The following GFRA1 variants were observed in gnomAD, a reference collection of about 807,000 sequenced individuals.
The protein encoded by GFRA1 is GDNF family receptor alpha-1.
GFRA1 carries 16 observed loss-of-function variants against 51.6 expected under a neutral mutation model. That is an observed-to-expected ratio of 0.31 (90% CI 0.21 to 0.47). GFRA1 has a LOEUF of 0.47. GFRA1 is among the 20% of genes least tolerant of loss of function. The pLI is 1.00. For missense variants in GFRA1, 530 were observed against 594.3 expected (o/e 0.89, Z 1.13); for synonymous variants, 270 against 241.3 (o/e 1.12, Z -1.10).
rs970233884 is a variant in GFRA1 at position 116,058,038 on chromosome 10, G to A, written c.*6360C>T. ...TGTGTGTGTGTGTGTGTGTGTGTGT[G>A]TGTGACAGAGAGAACCACGCTTTAT... On this transcript the variant is annotated 3_prime_UTR_variant, in exon 11 of 11. Coordinates refer to ENST00000355422, the MANE Select transcript of GFRA1 (RefSeq NM_005264.8). 2.1e-5 allele frequency: 3 copies of A among 143,504 alleles called. No individual in the cohort carries two copies. The highest frequency in any genetic ancestry group is 8.1e-5 in the African/African-American group (3 of 36,828). 8.9% of individuals were successfully genotyped at this position (143,504 alleles called of 1,614,324 possible).
intron 4 of GFRA1, among the ~76,000 whole-genome samples, chr10:116,266,499 C>T (rs1214215269): frequency 1.3e-5 from 2 of 152,202 alleles, no homozygotes; most frequent in Non-Finnish European, 2.9e-5. Flanking sequence ...GCTTTACTAT[C>T]CCACTTAAGG....
At chr10:116,156,537 A>G (rs1959203359) in intron 5 of GFRA1, among the ~76,000 whole-genome samples, 2 of 152,224 alleles carry the variant, frequency 1.3e-5, no homozygotes, top group African/African-American at 2.4e-5. Context: ...GTTCAGCCAA[A>G]CATGTTATCC....
At chr10:116,182,781 T>G (rs985669113) in intron 5 of GFRA1, among the ~76,000 whole-genome samples, 1 of 152,166 alleles carries the variant, frequency 6.6e-6, no homozygotes, top group African/African-American at 2.4e-5. Context: ...GGTCCCTTCT[T>G]AGATGGGCAG....
At chr10:116,175,090 G>A (rs1011889400) in intron 5 of GFRA1, among the ~76,000 whole-genome samples, 2 of 152,068 alleles carry the variant, frequency 1.3e-5, no homozygotes, top group African/African-American at 2.4e-5. Flanking sequence ...TCTTTCTTCC[G>A]CAACCTGTTA....
Position 116,064,150 on chromosome 10 carries a change from G to A in GFRA1, c.*248C>T. On this transcript the variant is annotated 3_prime_UTR_variant, in exon 11 of 11. Transcript: ENST00000355422. ...TGCTTTACAGCCCAAGTTACAAACT[G>A]TCCCTTTAAAATACAGCATATCCCA... 1 of 459,750 alleles carries A rather than the reference G, an allele frequency of 2.2e-6. No individual in the cohort carries two copies. Among genetic ancestry groups the A allele is most frequent in the East Asian group, 4.1e-5 (1 of 24,470 alleles). The allele number at this position is 459,750 out of a possible 1,614,324, so 28.5% of individuals were successfully genotyped here. A position where few individuals can be genotyped will look rare whatever the true frequency, so the allele number is the denominator to read the frequency against.
At chr10:116,186,532 G>A (rs116053343) in intron 5 of GFRA1, among the ~76,000 whole-genome samples, 2,213 of 147,628 alleles carry the variant, frequency 0.015, 45 homozygotes, top group African/African-American at 0.049. Context: ...CTGAAAGGCC[G>A]GTCTCTCTTT....
At chr10:116,099,547 C>T (rs1194914016) in intron 6 of GFRA1, among the ~76,000 whole-genome samples, 4 of 152,172 alleles carry the variant, frequency 2.6e-5, no homozygotes, top group African/African-American at 9.7e-5. Flanking sequence ...GCTCCACTCC[C>T]CCATCCCACT....
intron 6 of GFRA1, among the ~76,000 whole-genome samples, chr10:116,122,050 A>C (rs1371185261): frequency 6.6e-6 from 1 of 152,194 alleles, no homozygotes; most frequent in African/African-American, 2.4e-5. Flanking sequence ...TCTGGAAAGA[A>C]ATTATGGGCT....
chr10:116,247,203 T>C lies in GFRA1; in HGVS notation c.418+22300A>G, dbSNP rs551592918. ...ACAACATCAAAATTCCTAGAAGCCATCCCTGGTTTCTCTCCTTCTCTCACT... is the reference window on the plus strand; with the variant it reads ...ACAACATCAAAATTCCTAGAAGCCACCCCTGGTTTCTCTCCTTCTCTCACT... On this transcript the variant is annotated intron_variant, in intron 4 of 10. Coordinates refer to ENST00000355422, the MANE Select transcript of GFRA1 (RefSeq NM_005264.8). Among the ~76,000 whole-genome samples, 5 of 152,162 alleles carry C rather than the reference T, an allele frequency of 3.3e-5. No homozygotes were observed. In the East Asian group the frequency reaches 7.8e-4, roughly 24 times the overall value.
intron 5 of GFRA1, among the ~76,000 whole-genome samples, chr10:116,151,683 GGA>G (rs1178384585): frequency 6.6e-6 from 1 of 152,078 alleles, no homozygotes; most frequent in Non-Finnish European, 1.5e-5. Flanking sequence ...GTTACCAAGG[GGA>G]GGAAGCAGGA....
Position 116,059,443 on chromosome 10 carries a change from T to TTAAC in GFRA1, c.*4951_*4954dup, listed in dbSNP as rs1241716213. Reference sequence around the variant, plus strand: ...CTTGGCAGCTGCCCTGGAGCAAAAATTAACTCCCCATGGCAGTGGGACAAG... The same window carrying TTAAC: ...CTTGGCAGCTGCCCTGGAGCAAAAATTAACTAACTCCCCATGGCAGTGGGACAAG... On this transcript the variant is annotated 3_prime_UTR_variant, in exon 11 of 11. Coordinates refer to ENST00000355422, the MANE Select transcript of GFRA1 (RefSeq NM_005264.8). The TTAAC allele has an allele frequency of 6.6e-6, 1 of 152,192 alleles. No homozygotes were observed. Among genetic ancestry groups the TTAAC allele is most frequent in the Non-Finnish European group, 1.5e-5 (1 of 68,064 alleles). The allele number at this position is 152,192 out of a possible 1,614,324, so 9.4% of individuals were successfully genotyped here.
intron 4 of GFRA1, among the ~76,000 whole-genome samples, chr10:116,253,140 G>A (rs1968527485): frequency 1.3e-5 from 2 of 152,190 alleles, no homozygotes; most frequent in African/African-American, 4.8e-5. Flanking sequence ...GCAAAAATCA[G>A]AGTTCATCCA....
upstream of GFRA1, chr10:116,273,207 G>A (rs567891639): frequency 3.9e-5 from 6 of 152,166 alleles, no homozygotes; most frequent in African/African-American, 1.4e-4. Flanking sequence ...GAGCCAGTTT[G>A]TTTATTTACT....
intron 4 of GFRA1, among the ~76,000 whole-genome samples, chr10:116,224,866 G>A (rs183534738): frequency 6.6e-6 from 1 of 152,172 alleles, no homozygotes; most frequent in Non-Finnish European, 1.5e-5. Flanking sequence ...CATTTCAAAT[G>A]ACTAGGAATG....
chr10:116,260,588 C>A (rs1409536671), intron 4 of GFRA1, among the ~76,000 whole-genome samples: 2 of 152,158 alleles, frequency 1.3e-5, no homozygotes, highest in East Asian at 3.9e-4. Context: ...TCTAAAATCT[C>A]TCCATATACC....
chr10:116,194,066 T>TAAAAAAAAAAAAAAAAAAAAA (rs1051845471), intron 5 of GFRA1, among the ~76,000 whole-genome samples: 1 of 27,000 alleles, frequency 3.7e-5, no homozygotes. Context: ...AAATAAAATT[T>TAAAAAAAAAAAAAAAAAAAAA]AAAAAAAAAA....
intron 4 of GFRA1, among the ~76,000 whole-genome samples, chr10:116,251,381 T>A (rs1356173199): frequency 2.0e-5 from 3 of 152,174 alleles, no homozygotes; most frequent in Non-Finnish European, 4.4e-5. Flanking sequence ...ACAGCAGTTT[T>A]CACCCAAGAC....
intron 6 of GFRA1, among the ~76,000 whole-genome samples, chr10:116,100,290 A>G (rs1044397318): frequency 6.6e-6 from 1 of 152,130 alleles, no homozygotes; most frequent in Non-Finnish European, 1.5e-5. Context: ...TCTCACAACA[A>G]CCTTATTAGG....
At chr10:116,116,822 C>T (rs897110947) in intron 6 of GFRA1, among the ~76,000 whole-genome samples, 1 of 151,676 alleles carries the variant, frequency 6.6e-6, no homozygotes, top group African/African-American at 2.4e-5. Context: ...ATTTTTTAAA[C>T]GATGCTAAGA....
Sources: allele counts gnomAD v4.1 joint callset (sites outside exome capture counted in the v4.1 genomes callset), GRCh38; gene constraint gnomAD v4.1.1; transcripts MANE v1.5; gene names NCBI Gene and HGNC (gene_info 2026-07-23, HGNC 2026-07-21).